Variants in NAP1L1 observed in about 807,000 individuals in gnomAD.
The protein encoded by NAP1L1 is nucleosome assembly protein 1-like 1.
NAP1L1 carries 9 observed loss-of-function variants against 58.9 expected under a neutral mutation model. That is an observed-to-expected ratio of 0.15 (90% CI 0.09 to 0.27). The LOEUF (loss-of-function observed/expected upper bound fraction) is 0.27. Ranked by LOEUF, NAP1L1 falls within the 10% of genes least tolerant of loss-of-function variation. NAP1L1 has a pLI of 1.00. For synonymous variants in NAP1L1, 130 were observed against 138.3 expected (o/e 0.94, Z 0.42); for missense variants, 302 against 458.8 (o/e 0.66, Z 3.12).
chr12:76,053,075 T>C lies in NAP1L1; in HGVS notation c.936+16A>G, dbSNP rs1948916499. The stretch of plus-strand genomic sequence containing the variant: ...TATACTTAACAATTCAATAAATATA[T>C]AACAATTCAACTTACCAGATCTCCA... On this transcript the variant is annotated intron_variant, in intron 11 of 14. Coordinates refer to ENST00000618691, the MANE Select transcript of NAP1L1 (RefSeq NM_004537.7). The C allele has an allele frequency of 1.9e-6, 3 of 1,597,154 alleles. No homozygotes were observed. The highest frequency in any genetic ancestry group is 2.6e-6 in the Non-Finnish European group (3 of 1,168,436).
chr12:76,062,871 AAT>A (rs1362584079), intron 4 of NAP1L1, among the ~76,000 whole-genome samples: 5 of 152,234 alleles, frequency 3.3e-5, no homozygotes, highest in African/African-American at 1.2e-4. Context: ...GAGATTTATG[AAT>A]ATCACAGACA....
rs969633439 is a variant in NAP1L1 at position 76,045,151 on chromosome 12, TTC to T, written c.*3276_*3277del. 5 of 152,086 alleles carry T rather than the reference TTC, an allele frequency of 3.3e-5. No individual in the cohort carries two copies. Among genetic ancestry groups the T allele is most frequent in the Non-Finnish European group, 5.9e-5 (4 of 67,952 alleles). 9.4% of individuals were successfully genotyped at this position (152,086 alleles called of 1,614,324 possible). ...AAAAAAAAACTGAATTAGCACATATTTCTCTTTTCTAAAGCTCCTATGAAGAA... is the reference window on the plus strand; with the variant it reads ...AAAAAAAAACTGAATTAGCACATATTTCTTTTCTAAAGCTCCTATGAAGAA... On this transcript the variant is annotated 3_prime_UTR_variant, in exon 15 of 15. Transcript: ENST00000618691.
chr12:76,049,338 T>C, intron 13 of NAP1L1, 88 bp from the exon 14 acceptor site: 5 of 1,601,860 alleles, frequency 3.1e-6, no homozygotes, highest in South Asian at 2.2e-5. Flanking sequence ...TACAAGTTAC[T>C]CTACGGATCA....
chr12:76,052,130 G>T (rs1592615017), intron 11 of NAP1L1, among the ~76,000 whole-genome samples: 1 of 152,162 alleles, frequency 6.6e-6, no homozygotes, highest in Non-Finnish European at 1.5e-5. Context: ...ATGAATGTTT[G>T]AGTCAACAAC....
intron 6 of NAP1L1, among the ~76,000 whole-genome samples, chr12:76,058,674 C>G (rs1949257711): frequency 6.6e-6 from 1 of 152,178 alleles, no homozygotes; most frequent in Admixed American, 6.5e-5. Context: ...GCATGAGCCA[C>G]TGCGCCTGGC....
At position 76,038,203 on chromosome 12, in the gene NAP1L1, G is replaced by A. The variant is rs574210317; in HGVS notation, c.*10226C>T. On this transcript the variant is annotated 3_prime_UTR_variant, in exon 15 of 15. Transcript: ENST00000618691. ...TGACAAGATACCCCAGTAACTAAGA[G>A]TGGAAGCAATCCTCTGTCCCCACTG... 9.2e-5 allele frequency: 14 copies of A among 152,270 alleles called. No individual in the cohort carries two copies. The East Asian group carries it at 2.5e-3, about 27-fold the overall frequency. 9.4% of individuals were successfully genotyped at this position (152,270 alleles called of 1,614,324 possible).
chr12:76,064,849 G>A (rs1244282774), intron 4 of NAP1L1, among the ~76,000 whole-genome samples: 1 of 151,146 alleles, frequency 6.6e-6, no homozygotes, highest in Non-Finnish European at 1.5e-5. Context: ...CAACTCCAAA[G>A]TCCCAAAGTA....
intron 6 of NAP1L1, chr12:76,056,442 T>C: frequency 2.7e-6 from 1 of 368,390 alleles, no homozygotes; most frequent in Non-Finnish European, 5.1e-6. Context: ...GACTTAAGCA[T>C]AATAAACAAG....
chr12:76,056,074 T>G lies in NAP1L1; in HGVS notation c.517A>C (p.Thr173Pro). The change falls in exon 7 of 15, where the codon ACT (threonine) becomes CCT (proline). Residue 173 changes from threonine (T) to proline (P), a missense_variant. Transcript: ENST00000618691. Reference sequence around the variant, plus strand: ...AGCAAGTCAACATTCTTAAAAACAGTTAACCAAAATTCAGGAATTCCTTTG... The same window carrying G: ...AGCAAGTCAACATTCTTAAAAACAGGTAACCAAAATTCAGGAATTCCTTTG... ...DPKGIPEFWL[T>P]VFKNVDLLSD... 6.2e-7 allele frequency: 1 copy of G among 1,612,502 alleles called. No individual in the cohort carries two copies. Among genetic ancestry groups the G allele is most frequent in the Non-Finnish European group, 8.5e-7 (1 of 1,179,812 alleles).
At chr12:76,069,294 T>C (rs1949838310) in intron 2 of NAP1L1, among the ~76,000 whole-genome samples, 1 of 152,254 alleles carries the variant, frequency 6.6e-6, no homozygotes, top group East Asian at 1.9e-4. Flanking sequence ...ACCGAATATC[T>C]ACTGATTTTA....
intron 1 of NAP1L1, among the ~76,000 whole-genome samples, chr12:76,076,541 GATATGGAAAT>G (rs1280385611): frequency 1.8e-5 from 2 of 112,022 alleles, no homozygotes; most frequent in Non-Finnish European, 3.8e-5. Context: ...ATCCCCTTTG[GATATGGAAAT>G]ATATATATAT....
rs773531244 is a variant in NAP1L1, at chr12:76,049,763, G to A, written c.1082C>T (p.Ala361Val). 6.8e-6 allele frequency: 11 copies of A among 1,612,662 alleles called. No individual in the cohort carries two copies. In the Middle Eastern group the frequency reaches 8.3e-4, roughly 121 times the overall value. The change falls in exon 13 of 15, where the codon GCG (alanine) becomes GTG (valine). Residue 361 changes from alanine to valine, a missense_variant. By Grantham distance (64) the Ala-to-Val change is moderately conservative (BLOSUM62 0). Coordinates refer to ENST00000618691, the MANE Select transcript of NAP1L1 (RefSeq NM_004537.7). ...DDDYDEEGEE[A>V]DEEGEEEGDE... ...TCATTTGGTAAACATTACCTCATCCGCTTCTTCACCTTCTTCATCATACTG... is the reference window on the plus strand; with the variant it reads ...TCATTTGGTAAACATTACCTCATCCACTTCTTCACCTTCTTCATCATACTG...
In NAP1L1 at chr12:76,059,749, C is replaced by A. The variant is rs1471425589; in HGVS notation, c.429+49G>T. On this transcript the variant is annotated intron_variant, in intron 6 of 14. Transcript: ENST00000618691. ...TAAATGCTAACATTTCTGACAAGTC[C>A]TAAGATTTTATCATCTTAAAAACAT... The A allele has an allele frequency of 3.1e-6, 4 of 1,291,294 alleles. No individual in the cohort carries two copies. The South Asian group carries it at 5.1e-5, about 17-fold the overall frequency. The allele number at this position is 1,291,294 out of a possible 1,614,324, so 80.0% of individuals were successfully genotyped here.
At position 76,053,284 on chromosome 12, in the gene NAP1L1, G is replaced by T; in HGVS notation, c.837C>A (p.His279Gln). Residue 279 changes from histidine (H) to glutamine (Q), a missense_variant, in exon 10 of 15, where the codon CAC becomes CAA. By Grantham distance (24) the His-to-Gln change is conservative. Transcript: ENST00000618691. Reference sequence around the variant, plus strand: ...CAGTACGAACTGTCCCACGTCCCTTGTGTTTCTGCTTCTTCTTAATAGTTT... The same window carrying T: ...CAGTACGAACTGTCCCACGTCCCTTTTGTTTCTGCTTCTTCTTAATAGTTT... ...TLKTIKKKQK[H>Q]KGRGTVRTVT... 1 of 1,613,968 alleles carries T rather than the reference G, an allele frequency of 6.2e-7. No homozygotes were observed. Among genetic ancestry groups the T allele is most frequent in the Non-Finnish European group, 8.5e-7 (1 of 1,179,932 alleles).
intron 1 of NAP1L1, among the ~76,000 whole-genome samples, chr12:76,074,629 T>C (rs1052705148): frequency 6.6e-6 from 1 of 152,228 alleles, no homozygotes; most frequent in Non-Finnish European, 1.5e-5. Context: ...TGCTTAAATT[T>C]TTAGACTACG....
intron 12 of NAP1L1, among the ~76,000 whole-genome samples, chr12:76,050,254 A>G (rs1385723760): frequency 6.6e-6 from 1 of 152,152 alleles, no homozygotes; most frequent in East Asian, 1.9e-4. Flanking sequence ...AAGTCAAGGC[A>G]AGGGCATAAT....
intron 14 of NAP1L1, 26 bp from the exon 15 acceptor site, chr12:76,048,490 T>C: frequency 1.9e-6 from 3 of 1,612,640 alleles, no homozygotes; most frequent in Non-Finnish European, 2.5e-6. Context: ...AACAAGTCAA[T>C]CTATCTTCTT....
intron 6 of NAP1L1, chr12:76,057,421 A>T (rs1949161999): frequency 1.9e-6 from 1 of 524,556 alleles, no homozygotes. Flanking sequence ...GTATAAAAAT[A>T]CAACTGATGC....
chr12:76,070,846 C>T (rs1949920997), intron 2 of NAP1L1, among the ~76,000 whole-genome samples: 1 of 152,116 alleles, frequency 6.6e-6, no homozygotes, highest in Non-Finnish European at 1.5e-5. Context: ...TATAATAATA[C>T]TATATACCAT....
Sources: allele counts gnomAD v4.1 joint callset (sites outside exome capture counted in the v4.1 genomes callset), GRCh38; gene constraint gnomAD v4.1.1; transcripts MANE v1.5; gene names NCBI Gene and HGNC (gene_info 2026-07-23, HGNC 2026-07-21).